Variants in NUDC observed in about 807,000 individuals in gnomAD.
The protein encoded by NUDC is nuclear distribution C, dynein complex regulator.
Under a neutral mutation model 45.0 loss-of-function variants are expected in NUDC, and 14 were observed. That is an observed-to-expected ratio of 0.31 (90% CI 0.21 to 0.49). NUDC has a LOEUF of 0.49. Among genes scored for constraint, NUDC ranks in the 20% least tolerant of loss-of-function variants. The probability of loss-of-function intolerance (pLI) is 0.99; values close to 1 mark genes in which losing one functional copy is unlikely to be tolerated. For missense variants in NUDC, 323 were observed against 426.2 expected (o/e 0.76, Z 2.13); for synonymous variants, 153 against 156.7 (o/e 0.98, Z 0.17).
intron 2 of NUDC, among the ~76,000 whole-genome samples, chr1:26,934,454 A>G (rs567946249): frequency 6.6e-6 from 1 of 152,292 alleles, no homozygotes; most frequent in South Asian, 2.1e-4. Flanking sequence ...GCCAAACGGT[A>G]TCATTCTGCC....
At chr1:26,906,526 A>G (rs1283476124) in intron 2 of NUDC, among the ~76,000 whole-genome samples, 1 of 152,066 alleles carries the variant, frequency 6.6e-6, no homozygotes, top group East Asian at 1.9e-4. Context: ...ACCATAATCC[A>G]GGAAATGTGT....
chr1:26,927,267 G>GTGTGTGTA (rs1397922143), intron 2 of NUDC, among the ~76,000 whole-genome samples: 1 of 140,260 alleles, frequency 7.1e-6, no homozygotes, highest in Non-Finnish European at 1.5e-5. Flanking sequence ...GATGAACCGT[G>GTGTGTGTA]TGTGTGTGTG....
intron 3 of NUDC, chr1:26,911,805 C>G (rs768396796): frequency 1.4e-5 from 23 of 1,613,732 alleles, no homozygotes; most frequent in Non-Finnish European, 1.9e-5. Context: ...TCAGCACTGC[C>G]AGCCTCTGCC....
intron 2 of NUDC, among the ~76,000 whole-genome samples, chr1:26,930,806 C>A (rs1190885869): frequency 6.6e-6 from 1 of 151,144 alleles, no homozygotes; most frequent in African/African-American, 2.4e-5. Context: ...CACCTGAGGT[C>A]AGGAGTTTGA....
chr1:26,924,080 C>G lies in NUDC; in HGVS notation c.82-9C>G, dbSNP rs376840972. ...GCTCTACTACTTTAATCTTCTCCCC[C>G]TCTTTCAGCTTGTGAACACCTTCTT... On this transcript the variant is annotated splice_polypyrimidine_tract_variant and intron_variant, in intron 1 of 8. Coordinates refer to ENST00000321265, the MANE Select transcript of NUDC (RefSeq NM_006600.4). 3.7e-6 allele frequency: 6 copies of G among 1,613,816 alleles called. No individual in the cohort carries two copies. The highest frequency in any genetic ancestry group is 1.7e-4 in the Middle Eastern group (1 of 6,058).
At position 26,945,490 on chromosome 1, in the gene NUDC, T is replaced by G; in HGVS notation, c.825+17T>G. The G allele has an allele frequency of 6.2e-7, 1 of 1,613,598 alleles. No individual in the cohort carries two copies. The highest frequency in any genetic ancestry group is 8.5e-7 in the Non-Finnish European group (1 of 1,179,594). ...AATTCCAAGGTGAGCCCTGGCTGGT[T>G]GGGGGAGCTTCAGCAGGAAGGTGAG... On this transcript the variant is annotated intron_variant, in intron 7 of 8. Transcript: ENST00000321265.
At chr1:26,934,257 G>A (rs533779056) in intron 2 of NUDC, among the ~76,000 whole-genome samples, 113 of 152,322 alleles carry the variant, frequency 7.4e-4, no homozygotes, top group Admixed American at 1.6e-3. Context: ...AGATTGGCAG[G>A]AGAGAGAATG....
At position 26,943,368 on chromosome 1, in the gene NUDC, C is replaced by T. The variant is rs1439947882; in HGVS notation, c.741+303C>T. 2.6e-5 allele frequency among the ~76,000 whole-genome samples: 4 copies of T among 152,048 alleles called. No individual in the cohort carries two copies. In the South Asian group the frequency reaches 6.2e-4, roughly 24 times the overall value. ...GACTACAGGTGTACACCACCACGCT[C>T]GGCTAATTTTTGTTATTAAATTTTT... is the stretch of plus-strand genomic sequence containing the variant. On this transcript the variant is annotated intron_variant, in intron 6 of 8. Transcript: ENST00000321265.
intron 6 of NUDC, among the ~76,000 whole-genome samples, chr1:26,943,642 C>T (rs2082296558): frequency 6.6e-6 from 1 of 152,184 alleles, no homozygotes; most frequent in Non-Finnish European, 1.5e-5. Flanking sequence ...ACTTGAACAC[C>T]TGCTCTGTGC....
Position 26,905,740 on chromosome 1 carries a change from G to T in NUDC, c.-16+3374G>T, listed in dbSNP as rs577342152. 7.9e-4 allele frequency among the ~76,000 whole-genome samples: 121 copies of T among 152,298 alleles called. 2 individuals carry two copies. The South Asian group carries it at 0.024, about 31-fold the overall frequency. On this transcript the variant is annotated intron_variant, in intron 2 of 6. Coordinates refer to the NUDC transcript ENST00000435827. ...GCTTGCTGCATGCAGGAAGAGGCAG[G>T]TCAGCTCACCCTTTCTGAAACTACA...
At chr1:26,930,720 A>AC (rs1275414921) in intron 2 of NUDC, among the ~76,000 whole-genome samples, 7 of 151,892 alleles carry the variant, frequency 4.6e-5, no homozygotes, top group African/African-American at 1.7e-4. Flanking sequence ...CAAAAAAAAA[A>AC]AAAAAAAAAT....
At chr1:26,905,157 ATTTTTTT>A (rs71007901) in intron 2 of NUDC, among the ~76,000 whole-genome samples, 1 of 84,290 alleles carries the variant, frequency 1.2e-5, no homozygotes. Flanking sequence ...TATTATTATT[ATTTTTTT>A]TTTTTTTTTT....
At chr1:26,944,461 G>C (rs2082303388) in intron 6 of NUDC, among the ~76,000 whole-genome samples, 1 of 152,170 alleles carries the variant, frequency 6.6e-6, no homozygotes, top group South Asian at 2.1e-4. Context: ...GCTTCCCAAA[G>C]TGTTGGGATT....
At chr1:26,914,365 A>G (rs2082049674) in intron 3 of NUDC, among the ~76,000 whole-genome samples, 1 of 152,206 alleles carries the variant, frequency 6.6e-6, no homozygotes, top group Admixed American at 6.5e-5. Context: ...TAAGCCAGGA[A>G]GCCAGCCCCA....
At chr1:26,900,169 G>C (rs2081969085), upstream of NUDC, 1 of 1,614,120 alleles carries the variant, frequency 6.2e-7, no homozygotes, top group Non-Finnish European at 8.5e-7. Flanking sequence ...GTAGAGTCTC[G>C]AGTGGAGAGA....
At chr1:26,929,704 T>C (rs2082165002) in intron 2 of NUDC, 1 of 452,018 alleles carries the variant, frequency 2.2e-6, no homozygotes, top group South Asian at 1.6e-5. Flanking sequence ...TATGTGACTA[T>C]CTAAAAGAAA....
chr1:26,905,148 A>ATTT (rs2081997342), intron 2 of NUDC, among the ~76,000 whole-genome samples: 2 of 107,258 alleles, frequency 1.9e-5, no homozygotes, highest in Admixed American at 1.1e-4. Flanking sequence ...TATTATTATT[A>ATTT]TTATTATTAT....
intron 2 of NUDC, among the ~76,000 whole-genome samples, chr1:26,909,124 G>A (rs2082014581): frequency 6.6e-6 from 1 of 152,086 alleles, no homozygotes; most frequent in South Asian, 2.1e-4. Context: ...ACAGGTGAGT[G>A]CTGCCATGCC....
chr1:26,918,445 T>C (rs146742289), upstream of NUDC, among the ~76,000 whole-genome samples: 123 of 152,130 alleles, frequency 8.1e-4, no homozygotes, highest in African/African-American at 2.8e-3. Flanking sequence ...AGCTGATTTT[T>C]CGTATTTTTT....
Sources: gnomAD v4.1 joint callset for allele counts (sites outside exome capture counted in the v4.1 genomes callset) on GRCh38, gnomAD v4.1.1 for gene constraint, MANE v1.5 for transcripts, NCBI Gene and HGNC (gene_info 2026-07-23, HGNC 2026-07-21) for gene names.